The following AGBL1 variants were observed in gnomAD, a reference collection of about 807,000 sequenced individuals.
AGBL1 encodes cytosolic carboxypeptidase 4.
In AGBL1, 130 loss-of-function variants were observed where a neutral mutation model predicts 118.9. That is an observed-to-expected ratio of 1.09 (90% CI 0.95 to 1.26). AGBL1 has a LOEUF of 1.26. Ranked by LOEUF, AGBL1 falls within the 50% of genes most tolerant of loss-of-function variation. AGBL1 has a pLI of 0.00. For synonymous variants in AGBL1, 555 were observed against 478.9 expected (o/e 1.16, Z -2.08); for missense variants, 1,584 against 1,298.1 (o/e 1.22, Z -3.38).
chr15:86,746,832 A>C (rs182738063), intron 22 of AGBL1, among the ~76,000 whole-genome samples: 5 of 152,206 alleles, frequency 3.3e-5, no homozygotes, highest in African/African-American at 1.2e-4. Flanking sequence ...ACATAGGCAC[A>C]CACAAACAAT....
At chr15:86,153,202 A>G (rs1380617631) in intron 3 of AGBL1, among the ~76,000 whole-genome samples, 1 of 152,222 alleles carries the variant, frequency 6.6e-6, no homozygotes, top group Non-Finnish European at 1.5e-5. Flanking sequence ...CTATAAAGAT[A>G]CATGCACACA....
intron 22 of AGBL1, among the ~76,000 whole-genome samples, chr15:86,806,360 A>C (rs2078713966): frequency 6.6e-6 from 1 of 152,142 alleles, no homozygotes; most frequent in Non-Finnish European, 1.5e-5. Flanking sequence ...CTGGGAGAGA[A>C]AAATTAGGGA....
intron 1 of AGBL1, among the ~76,000 whole-genome samples, chr15:86,119,982 T>G (rs186406989): frequency 6.6e-6 from 1 of 152,340 alleles, no homozygotes; most frequent in African/African-American, 2.4e-5. Flanking sequence ...CATTCATTCA[T>G]GTACACATTA....
At chr15:86,193,380 T>G (rs981524270) in intron 5 of AGBL1, among the ~76,000 whole-genome samples, 1 of 152,234 alleles carries the variant, frequency 6.6e-6, no homozygotes, top group Non-Finnish European at 1.5e-5. Context: ...AATTTTTCAC[T>G]TCTTTGGAGA....
At chr15:86,134,178 T>C (rs1016038088) in intron 1 of AGBL1, among the ~76,000 whole-genome samples, 2 of 152,242 alleles carry the variant, frequency 1.3e-5, no homozygotes. Flanking sequence ...TAATTGAAGT[T>C]TGTGATTAGT....
intron 21 of AGBL1, among the ~76,000 whole-genome samples, chr15:86,612,571 G>A (rs953216316): frequency 6.6e-6 from 1 of 152,012 alleles, no homozygotes; most frequent in Admixed American, 6.6e-5. Context: ...AGAAAATACC[G>A]AATTCCAACC....
In AGBL1 at chr15:86,269,925, G is replaced by A. The variant is rs766020976; in HGVS notation, c.1845G>A (p.Glu615=). 6.2e-7 allele frequency: 1 copy of A among 1,613,754 alleles called. No homozygotes were observed. ...LRKAIQVREF[E]YDLLVNADVN... ...TCTTGCTTCTGATCTGCAGGTTCGA[G>A]TATGACTTGCTGGTCAACGCAGATG... is the stretch of plus-strand genomic sequence containing the variant. The change falls in exon 14 of 23, where the codon GAG becomes GAA. Residue 615 remains glutamate, a synonymous_variant. Transcript: ENST00000614907.
At chr15:86,855,111 C>G (rs371902051) in intron 22 of AGBL1, among the ~76,000 whole-genome samples, 1 of 152,164 alleles carries the variant, frequency 6.6e-6, no homozygotes, top group Non-Finnish European at 1.5e-5. Flanking sequence ...GTTGTTACTG[C>G]ATCATTTTTA....
chr15:86,854,895 A>G (rs1328448435), intron 22 of AGBL1, among the ~76,000 whole-genome samples: 1 of 152,022 alleles, frequency 6.6e-6, no homozygotes, highest in Non-Finnish European at 1.5e-5. Flanking sequence ...GTTCCCCTCA[A>G]CTGCCCTCGA....
At chr15:86,506,163 T>C (rs755772863) in intron 18 of AGBL1, among the ~76,000 whole-genome samples, 1 of 152,062 alleles carries the variant, frequency 6.6e-6, no homozygotes, top group Non-Finnish European at 1.5e-5. Context: ...TCTTTAATCT[T>C]CACTTCCTGC....
chr15:86,743,589 A>G (rs1368657978), intron 22 of AGBL1, among the ~76,000 whole-genome samples: 1 of 152,144 alleles, frequency 6.6e-6, no homozygotes, highest in Non-Finnish European at 1.5e-5. Flanking sequence ...ATGGACCTCC[A>G]TTAGAGGAGT....
rs2081517149 is a variant in AGBL1 at position 86,143,558 on chromosome 15, G to C, written c.116-141G>C. 31 of 1,001,882 alleles carry C rather than the reference G, an allele frequency of 3.1e-5. 1 individual carries two copies. In the South Asian group the frequency reaches 4.9e-4, roughly 16 times the overall value. The allele number at this position is 1,001,882 out of a possible 1,614,324, so 62.1% of individuals were successfully genotyped here. On this transcript the variant is annotated intron_variant, in intron 2 of 22. Transcript: ENST00000614907. ...TAACTGATAGTACAACTTTAACACAGGTTGCTTCAAGAACTACATAATTTT... is the reference window on the plus strand; with the variant it reads ...TAACTGATAGTACAACTTTAACACACGTTGCTTCAAGAACTACATAATTTT...
chr15:86,789,919 C>T (rs1596482717), intron 22 of AGBL1, among the ~76,000 whole-genome samples: 1 of 152,120 alleles, frequency 6.6e-6, no homozygotes, highest in African/African-American at 2.4e-5. Context: ...TGAAAATAGT[C>T]ACCAGGAGAC....
chr15:86,496,639 C>A (rs542085148), intron 18 of AGBL1, among the ~76,000 whole-genome samples: 1 of 151,938 alleles, frequency 6.6e-6, no homozygotes, highest in East Asian at 1.9e-4. Context: ...GGATTATACA[C>A]TTTTTAACAA....
chr15:86,490,506 G>C (rs1397231439), intron 18 of AGBL1, among the ~76,000 whole-genome samples: 3 of 152,048 alleles, frequency 2.0e-5, no homozygotes, highest in Non-Finnish European at 4.4e-5. Context: ...TTTTGCTTTT[G>C]GATGCTTATT....
chr15:86,151,567 T>C (rs2077111712), intron 3 of AGBL1, among the ~76,000 whole-genome samples: 1 of 152,144 alleles, frequency 6.6e-6, no homozygotes, highest in Admixed American at 6.5e-5. Flanking sequence ...ACAGCCGATA[T>C]CATACTGAAT....
intron 17 of AGBL1, among the ~76,000 whole-genome samples, chr15:86,324,652 TAAC>T (rs2080157321): frequency 6.6e-6 from 1 of 152,156 alleles, no homozygotes; most frequent in Non-Finnish European, 1.5e-5. Context: ...ACTGTCCAGT[TAAC>T]AATTAAGTGA....
At chr15:86,090,076 C>A (rs1772599936) in intron 1 of AGBL1, among the ~76,000 whole-genome samples, 1 of 152,138 alleles carries the variant, frequency 6.6e-6, no homozygotes, top group Non-Finnish European at 1.5e-5. Context: ...TCTTACATAA[C>A]CTCACAACAA....
chr15:86,383,266 A>AT (rs2081137680), intron 17 of AGBL1, among the ~76,000 whole-genome samples: 1 of 149,438 alleles, frequency 6.7e-6, no homozygotes, highest in South Asian at 2.1e-4. Flanking sequence ...AAAAAAAAAA[A>AT]AAAAAAAAAT....
Sources: allele counts gnomAD v4.1 joint callset (sites outside exome capture counted in the v4.1 genomes callset), GRCh38; gene constraint gnomAD v4.1.1; transcripts MANE v1.5; gene names NCBI Gene and HGNC (gene_info 2026-07-23, HGNC 2026-07-21).